Variants in CELF4 observed in about 807,000 individuals in gnomAD.
CELF4 encodes CUGBP Elav-like family member 4.
In CELF4, 18 loss-of-function variants were observed where a neutral mutation model predicts 59.9. The ratio of observed to expected loss-of-function variants is 0.30; its 90% CI spans 0.21 to 0.45. The LOEUF is 0.45. Ranked by LOEUF, CELF4 falls within the 20% of genes least tolerant of loss-of-function variation. The probability of loss-of-function intolerance (pLI) is 1.00; values close to 1 mark genes in which losing one functional copy is unlikely to be tolerated. For synonymous variants in CELF4, 261 were observed against 267.1 expected, an observed-to-expected ratio of 0.98 and a Z score of 0.22; for missense variants, 456 against 689.0, an observed-to-expected ratio of 0.66 and a Z score of 3.79.
chr18:37,489,711 C>T (rs1444026347), intron 1 of CELF4, among the ~76,000 whole-genome samples: 1 of 152,152 alleles, frequency 6.6e-6, no homozygotes, highest in African/African-American at 2.4e-5. Flanking sequence ...CTGGCGGGGC[C>T]CTTTGGGAAC....
intron 2 of CELF4, among the ~76,000 whole-genome samples, chr18:37,480,120 A>G (rs1262871243): frequency 6.6e-6 from 1 of 152,100 alleles, no homozygotes; most frequent in Non-Finnish European, 1.5e-5. Context: ...TAAGCCACCC[A>G]ATTTGTGGTG....
chr18:37,469,765 A>G (rs1039745572), intron 2 of CELF4, among the ~76,000 whole-genome samples: 1 of 152,224 alleles, frequency 6.6e-6, no homozygotes, highest in African/African-American at 2.4e-5. Context: ...GTTTTCTTCC[A>G]TTGATTTATC....
chr18:37,560,329 T>C (rs12326395), intron 1 of CELF4, among the ~76,000 whole-genome samples: 2,338 of 152,362 alleles, frequency 0.015, 55 homozygotes, highest in African/African-American at 0.053. Flanking sequence ...AAATTATGCA[T>C]AAGCAGCAAA....
chr18:37,471,606 C>G (rs1214418330), intron 2 of CELF4, among the ~76,000 whole-genome samples: 2 of 152,194 alleles, frequency 1.3e-5, no homozygotes, highest in Non-Finnish European at 2.9e-5. Context: ...GTGAGCAGTC[C>G]TGCCTGGAAG....
At chr18:37,344,232 C>T (rs1440886974) in intron 2 of CELF4, among the ~76,000 whole-genome samples, 1 of 152,252 alleles carries the variant, frequency 6.6e-6, no homozygotes, top group African/African-American at 2.4e-5. Flanking sequence ...TTGAGGAGCA[C>T]ATTTCCCCAC....
rs899957795 is a variant in CELF4, at chr18:37,371,758, C to T, written c.370-49877G>A. Among the ~76,000 whole-genome samples, 5 of 152,264 alleles carry T rather than the reference C, an allele frequency of 3.3e-5. No homozygotes were observed. The East Asian group carries it at 9.7e-4, about 29-fold the overall frequency. ...ATGGAATAAAAACAGCCAGAGAGGG[C>T]TTGGGGCAGTCATTAAGCAGTGCCC... is the stretch of plus-strand genomic sequence containing the variant. On this transcript the variant is annotated intron_variant, in intron 2 of 12. Coordinates refer to ENST00000420428, the MANE Select transcript of CELF4 (RefSeq NM_020180.4).
At chr18:37,543,431 T>C (rs1201010915) in intron 1 of CELF4, among the ~76,000 whole-genome samples, 1 of 152,124 alleles carries the variant, frequency 6.6e-6, no homozygotes, top group Non-Finnish European at 1.5e-5. Flanking sequence ...TGGTGGTGGG[T>C]GGCAGGGGCT....
chr18:37,374,914 A>G (rs2098948748), intron 2 of CELF4, among the ~76,000 whole-genome samples: 1 of 152,160 alleles, frequency 6.6e-6, no homozygotes, highest in Admixed American at 6.5e-5. Flanking sequence ...CAATACTGGG[A>G]CAGGGCCCAG....
At chr18:37,495,870 G>A (rs2099924609) in intron 1 of CELF4, among the ~76,000 whole-genome samples, 1 of 152,008 alleles carries the variant, frequency 6.6e-6, no homozygotes, top group African/African-American at 2.4e-5. Flanking sequence ...TGTGTTTTGG[G>A]GGGTGCGATG....
intron 2 of CELF4, among the ~76,000 whole-genome samples, chr18:37,365,678 G>C (rs997364594): frequency 6.6e-6 from 1 of 151,890 alleles, no homozygotes; most frequent in Non-Finnish European, 1.5e-5. Flanking sequence ...TAGAGACCAG[G>C]TTTCACCATG....
chr18:37,268,065 C>T (rs1300351800), intron 8 of CELF4, among the ~76,000 whole-genome samples: 1 of 152,106 alleles, frequency 6.6e-6, no homozygotes, highest in Non-Finnish European at 1.5e-5. Context: ...GCACCTGGGC[C>T]TGAGGGGTGC....
intron 1 of CELF4, among the ~76,000 whole-genome samples, chr18:37,542,370 A>T (rs2099978440): frequency 6.6e-6 from 1 of 152,190 alleles, no homozygotes; most frequent in African/African-American, 2.4e-5. Context: ...GGCTGCTCTG[A>T]TCTTCCATGG....
intron 3 of CELF4, among the ~76,000 whole-genome samples, chr18:37,290,992 C>T (rs549934543): frequency 6.6e-6 from 1 of 152,338 alleles, no homozygotes; most frequent in East Asian, 1.9e-4. Context: ...TCACCGCAAC[C>T]TCCGCCTCCC....
chr18:37,264,546 C>A, intron 10 of CELF4, 128 bp downstream of exon 10: 3 of 744,816 alleles, frequency 4.0e-6, no homozygotes, highest in Non-Finnish European at 6.8e-6. Flanking sequence ...TCTTCCCTTG[C>A]CCACCTCAAC....
chr18:37,471,132 C>A (rs1483115668), intron 2 of CELF4, among the ~76,000 whole-genome samples: 1 of 152,046 alleles, frequency 6.6e-6, no homozygotes, highest in Non-Finnish European at 1.5e-5. Flanking sequence ...TTCCCTTCAG[C>A]CCTCCACCAG....
chr18:37,441,273 C>CTG (rs36008798), intron 2 of CELF4, among the ~76,000 whole-genome samples: 38,626 of 143,188 alleles, frequency 0.27, 5,213 homozygotes, highest in South Asian at 0.42. Flanking sequence ...CTCAACAATG[C>CTG]TGTGTGTGTG....
chr18:37,441,382 T>C (rs1240394604), intron 2 of CELF4, among the ~76,000 whole-genome samples: 1 of 151,752 alleles, frequency 6.6e-6, no homozygotes, highest in Non-Finnish European at 1.5e-5. Context: ...GCTGGGATGG[T>C]TGCTGGGAGA....
chr18:37,345,336 G>T (rs959053127), intron 2 of CELF4, among the ~76,000 whole-genome samples: 2 of 152,188 alleles, frequency 1.3e-5, no homozygotes, highest in Non-Finnish European at 2.9e-5. Context: ...TGGAGGAGTG[G>T]GAGAGAGACG....
intron 1 of CELF4, among the ~76,000 whole-genome samples, chr18:37,542,166 G>A (rs542730047): frequency 7.2e-5 from 11 of 152,258 alleles, no homozygotes; most frequent in African/African-American, 2.4e-4. Flanking sequence ...TCTTGTGTAC[G>A]AATTGCAAGA....
Sources: allele counts gnomAD v4.1 joint callset (sites outside exome capture counted in the v4.1 genomes callset), GRCh38; gene constraint gnomAD v4.1.1; transcripts MANE v1.5; gene names NCBI Gene and HGNC (gene_info 2026-07-23, HGNC 2026-07-21).